Variants in CYP2C18 observed in about 807,000 individuals in gnomAD.
CYP2C18 encodes the protein cytochrome P450 family 2 subfamily C member 18.
CYP2C18 carries 38 observed loss-of-function variants against 41.3 expected under a neutral mutation model. That is an observed-to-expected ratio of 0.92 (90% CI 0.71 to 1.21). The LOEUF is 1.21. Ranked by LOEUF, CYP2C18 falls within the 50% of genes most tolerant of loss-of-function variation. The pLI, the probability that CYP2C18 is intolerant of heterozygous loss-of-function variation, is 0.00. For synonymous variants in CYP2C18, 236 were observed against 210.0 expected (o/e 1.12, Z -1.07); for missense variants, 635 against 591.4 (o/e 1.07, Z -0.77).
At chr10:94,699,828 C>A (rs986735300) in intron 4 of CYP2C18, among the ~76,000 whole-genome samples, 5 of 152,052 alleles carry the variant, frequency 3.3e-5, no homozygotes, top group African/African-American at 2.4e-5. Context: ...TCTTATACAC[C>A]AATAACAGAG....
intron 4 of CYP2C18, among the ~76,000 whole-genome samples, chr10:94,698,823 A>T (rs1281888504): frequency 6.6e-6 from 1 of 152,222 alleles, no homozygotes; most frequent in African/African-American, 2.4e-5. Context: ...CAGAAACACA[A>T]ACTACCATCA....
At chr10:94,712,247 A>G (rs1427707193) in intron 5 of CYP2C18, among the ~76,000 whole-genome samples, 1 of 150,884 alleles carries the variant, frequency 6.6e-6, no homozygotes, top group Non-Finnish European at 1.5e-5. Flanking sequence ...TATTAGCTAT[A>G]TTCAACTGGC....
At chr10:94,704,980 TC>T (rs1307641273) in intron 4 of CYP2C18, among the ~76,000 whole-genome samples, 1 of 152,108 alleles carries the variant, frequency 6.6e-6, no homozygotes, top group Non-Finnish European at 1.5e-5. Flanking sequence ...CCCGTGTTAG[TC>T]CTCAGACAGG....
intron 4 of CYP2C18, among the ~76,000 whole-genome samples, chr10:94,700,316 T>C (rs2134185487): frequency 6.6e-6 from 1 of 152,244 alleles, no homozygotes. Context: ...CCCTCAGAAA[T>C]AATGCCACAT....
At chr10:94,715,905 G>A (rs1314107545) in intron 5 of CYP2C18, among the ~76,000 whole-genome samples, 3 of 152,090 alleles carry the variant, frequency 2.0e-5, no homozygotes, top group East Asian at 3.9e-4. Context: ...TCCTGGTTTA[G>A]TCTTGGGAGA....
At chr10:94,687,691 A>T (rs1564636657) in intron 1 of CYP2C18, 79 bp from the exon 2 acceptor site, 4 of 1,179,242 alleles carry the variant, frequency 3.4e-6, no homozygotes, top group Non-Finnish European at 4.9e-6. Flanking sequence ...TATGATGATA[A>T]TATCAGTCTG....
chr10:94,698,090 A>T (rs183239465), intron 4 of CYP2C18, among the ~76,000 whole-genome samples: 3 of 152,326 alleles, frequency 2.0e-5, no homozygotes, highest in Non-Finnish European at 4.4e-5. Context: ...AAGGTTAACA[A>T]GGATATCCAG....
chr10:94,687,745 T>C (rs1238707131), intron 1 of CYP2C18, 25 bp from the exon 2 acceptor site: 1 of 1,602,986 alleles, frequency 6.2e-7, no homozygotes, highest in South Asian at 1.1e-5. Context: ...TTTGCTACTA[T>C]TTGAACCTCC....
At chr10:94,699,488 TAA>T (rs1025148074) in intron 4 of CYP2C18, among the ~76,000 whole-genome samples, 6 of 152,128 alleles carry the variant, frequency 3.9e-5, no homozygotes, top group Non-Finnish European at 5.9e-5. Flanking sequence ...CTGAAAATAA[TAA>T]GAGCTATCTA....
intron 5 of CYP2C18, among the ~76,000 whole-genome samples, chr10:94,710,388 A>T (rs1008761502): frequency 6.6e-6 from 1 of 152,210 alleles, no homozygotes; most frequent in Non-Finnish European, 1.5e-5. Flanking sequence ...CATGAATTTT[A>T]TGGTAATCTT....
intron 5 of CYP2C18, among the ~76,000 whole-genome samples, chr10:94,713,004 C>A (rs1241883708): frequency 6.6e-6 from 1 of 152,048 alleles, no homozygotes; most frequent in Admixed American, 6.6e-5. Flanking sequence ...AATATTCATT[C>A]AGGCTATTTG....
intron 5 of CYP2C18, among the ~76,000 whole-genome samples, chr10:94,712,996 TATTC>T (rs1847466436): frequency 1.3e-5 from 2 of 152,172 alleles, no homozygotes; most frequent in South Asian, 2.1e-4. Flanking sequence ...TTTTTAGAAA[TATTC>T]ATTCAGGCTA....
intron 4 of CYP2C18, 106 bp downstream of exon 4, chr10:94,695,183 T>C: frequency 9.5e-7 from 1 of 1,050,610 alleles, no homozygotes; most frequent in Non-Finnish European, 1.4e-6. Context: ...GGGATATGTG[T>C]GCAGAATGGG....
intron 7 of CYP2C18, among the ~76,000 whole-genome samples, chr10:94,731,588 C>CA (rs1847833888): frequency 6.6e-6 from 1 of 152,002 alleles, no homozygotes; most frequent in Admixed American, 6.6e-5. Flanking sequence ...CTACAGTAAC[C>CA]AAAATAGCGT....
intron 3 of CYP2C18, among the ~76,000 whole-genome samples, chr10:94,691,037 C>T (rs1441177166): frequency 2.6e-5 from 4 of 152,088 alleles, no homozygotes; most frequent in African/African-American, 9.7e-5. Context: ...ATAATAAGAG[C>T]TATCTATGAC....
chr10:94,711,844 A>T (rs574292843), intron 5 of CYP2C18, among the ~76,000 whole-genome samples: 4 of 150,786 alleles, frequency 2.7e-5, no homozygotes, highest in Non-Finnish European at 5.9e-5. Flanking sequence ...TCTGAATTTT[A>T]TTCTTTTTTG....
chr10:94,703,594 T>G (rs2134188408), intron 4 of CYP2C18, among the ~76,000 whole-genome samples: 1 of 152,240 alleles, frequency 6.6e-6, no homozygotes, highest in Non-Finnish European at 1.5e-5. Context: ...CCCATCAAGC[T>G]TGAGCATCCG....
At chr10:94,692,008 G>C (rs1026174286) in intron 3 of CYP2C18, among the ~76,000 whole-genome samples, 1 of 151,948 alleles carries the variant, frequency 6.6e-6, no homozygotes, top group East Asian at 1.9e-4. Context: ...CCTTACACTT[G>C]ATACAAAAAT....
chr10:94,711,389 A>G (rs906784458), intron 5 of CYP2C18, among the ~76,000 whole-genome samples: 1 of 152,064 alleles, frequency 6.6e-6, no homozygotes, highest in African/African-American at 2.4e-5. Flanking sequence ...ATGAGTCTGC[A>G]GGCAATATTG....
Sources: gnomAD v4.1 joint callset for allele counts (sites outside exome capture counted in the v4.1 genomes callset) on GRCh38, gnomAD v4.1.1 for gene constraint, MANE v1.5 for transcripts, NCBI Gene and HGNC (gene_info 2026-07-23, HGNC 2026-07-21) for gene names.